RBFOX1: variants seen among roughly 807,000 people sequenced by gnomAD.
RBFOX1 encodes the protein RNA binding fox-1 homolog 1, also known as RNA binding protein fox-1 homolog 1.
Under a neutral mutation model 57.7 loss-of-function variants are expected in RBFOX1, and 8 were observed. The ratio of observed to expected loss-of-function variants is 0.14; its 90% CI spans 0.08 to 0.25. The LOEUF (loss-of-function observed/expected upper bound fraction) is 0.25. RBFOX1 is among the 10% of genes least tolerant of loss of function. The probability of loss-of-function intolerance (pLI) is 1.00; values close to 1 mark genes in which losing one functional copy is unlikely to be tolerated. For synonymous variants in RBFOX1, 326 were observed against 222.4 expected, an observed-to-expected ratio of 1.47 and a Z score of -4.15; for missense variants, 611 against 548.5, an observed-to-expected ratio of 1.11 and a Z score of -1.14.
intron 3 of RBFOX1, among the ~76,000 whole-genome samples, chr16:6,927,212 C>G (rs574896260): frequency 6.6e-6 from 1 of 151,488 alleles, no homozygotes; most frequent in Non-Finnish European, 1.5e-5. Context: ...TTTAACGAAA[C>G]CCTAGGTCCT....
At chr16:5,276,010 C>G (rs1294823321) in intron 1 of RBFOX1, among the ~76,000 whole-genome samples, 2 of 152,222 alleles carry the variant, frequency 1.3e-5, no homozygotes, top group African/African-American at 4.8e-5. Context: ...GGATCCTCAT[C>G]TCTCACCTTA....
chr16:7,041,547 C>G (rs568393823), intron 3 of RBFOX1, among the ~76,000 whole-genome samples: 4 of 152,234 alleles, frequency 2.6e-5, no homozygotes, highest in East Asian at 1.9e-4. Context: ...AAAGTGATTC[C>G]TAGAATACTA....
At chr16:7,588,488 C>T (rs2094252552) in intron 7 of RBFOX1, among the ~76,000 whole-genome samples, 1 of 152,170 alleles carries the variant, frequency 6.6e-6, no homozygotes, top group Non-Finnish European at 1.5e-5. Context: ...ATCTTGGTAA[C>T]CAGAAAGTGA....
At chr16:7,138,101 C>T (rs9302840) in intron 4 of RBFOX1, among the ~76,000 whole-genome samples, 138,482 of 152,162 alleles carry the variant, frequency 0.91, 63,215 homozygotes, top group East Asian at 1. Context: ...CTCAGAGATT[C>T]GTATCACAGC....
At chr16:6,835,276 G>A (rs1281730444) in intron 3 of RBFOX1, among the ~76,000 whole-genome samples, 3 of 152,048 alleles carry the variant, frequency 2.0e-5, no homozygotes, top group Admixed American at 1.3e-4. Flanking sequence ...GCTGCTATGC[G>A]GGTTCCCTTT....
At chr16:6,009,113 T>C (rs74320726) in intron 4 of RBFOX1, among the ~76,000 whole-genome samples, 1 of 152,086 alleles carries the variant, frequency 6.6e-6, no homozygotes, top group Non-Finnish European at 1.5e-5. Flanking sequence ...TTTTTTTTTT[T>C]TCTTCTCCAT....
At chr16:6,732,334 C>A (rs1285648279) in intron 3 of RBFOX1, among the ~76,000 whole-genome samples, 1 of 152,176 alleles carries the variant, frequency 6.6e-6, no homozygotes, top group Non-Finnish European at 1.5e-5. Context: ...TTCAGATTCT[C>A]ACGAGAGAGT....
rs114672148 is a variant in RBFOX1, at chr16:5,931,116, T to A, written c.351+63781T>A. Among the ~76,000 whole-genome samples, 280 of 152,276 alleles carry A rather than the reference T, an allele frequency of 1.8e-3. 1 individual carries two copies. Among genetic ancestry groups the A allele is most frequent in the African/African-American group, 6.4e-3 (265 of 41,554 alleles). Reference sequence around the variant, plus strand: ...GATGTTGTCATTAGTACCCACCTCTTGCTCTCTGCACGTAGGGCTATTCTT... The same window carrying A: ...GATGTTGTCATTAGTACCCACCTCTAGCTCTCTGCACGTAGGGCTATTCTT... On this transcript the variant is annotated intron_variant, in intron 4 of 19. Transcript: ENST00000641259.
In RBFOX1 at chr16:6,867,624, C is replaced by T. The variant is rs1043973397; in HGVS notation, c.-15-184433C>T. Among the ~76,000 whole-genome samples the T allele has an allele frequency of 4.6e-5, 7 of 152,210 alleles. No individual in the cohort carries two copies. The South Asian group carries it at 6.2e-4, about 14-fold the overall frequency. ...ATCCCAGCTACTTGGGAGGCTCAGG[C>T]AGCAGGATCGCTTGAACCCGGGAGG... On this transcript the variant is annotated intron_variant, in intron 3 of 15. Coordinates refer to ENST00000550418, the MANE Select transcript of RBFOX1 (RefSeq NM_018723.4).
intron 1 of RBFOX1, among the ~76,000 whole-genome samples, chr16:5,432,063 C>G (rs1051490389): frequency 6.6e-6 from 1 of 152,034 alleles, no homozygotes; most frequent in Non-Finnish European, 1.5e-5. Flanking sequence ...AAAGACGCCC[C>G]TTTTGGGGAC....
intron 2 of RBFOX1, among the ~76,000 whole-genome samples, chr16:6,376,956 A>G (rs1162869721): frequency 6.6e-6 from 1 of 151,562 alleles, no homozygotes; most frequent in African/African-American, 2.4e-5. Context: ...TCTGTCTCCA[A>G]ACTTCCTTCT....
At chr16:6,806,175 G>C (rs2086717611) in intron 3 of RBFOX1, among the ~76,000 whole-genome samples, 1 of 152,130 alleles carries the variant, frequency 6.6e-6, no homozygotes, top group Non-Finnish European at 1.5e-5. Context: ...AATTGCCACA[G>C]GTCACAATAT....
chr16:6,693,631 C>G (rs919788958), intron 3 of RBFOX1, among the ~76,000 whole-genome samples: 1 of 150,272 alleles, frequency 6.7e-6, no homozygotes, highest in African/African-American at 2.5e-5. Context: ...CATTTTTATT[C>G]ACTACCATCA....
intron 3 of RBFOX1, among the ~76,000 whole-genome samples, chr16:5,738,705 T>G (rs2151584318): frequency 6.6e-6 from 1 of 151,272 alleles, no homozygotes; most frequent in Non-Finnish European, 1.5e-5. Flanking sequence ...TCAGTCTGAC[T>G]GCAGGTTTTC....
intron 2 of RBFOX1, among the ~76,000 whole-genome samples, chr16:6,537,712 A>C (rs143565301): frequency 0.024 from 3,596 of 152,298 alleles, 64 homozygotes; most frequent in Non-Finnish European, 0.036. Flanking sequence ...TGAGTTCCTT[A>C]GGCCATTCCT....
intron 3 of RBFOX1, among the ~76,000 whole-genome samples, chr16:6,839,024 G>A (rs1567495179): frequency 1.3e-5 from 2 of 151,164 alleles, no homozygotes; most frequent in East Asian, 2.0e-4. Flanking sequence ...TTGCTCTGTC[G>A]ACGAGGCTGG....
intron 1 of RBFOX1, among the ~76,000 whole-genome samples, chr16:5,284,095 GT>G: frequency 6.6e-6 from 1 of 152,300 alleles, no homozygotes; most frequent in Middle Eastern, 3.4e-3. Flanking sequence ...TTTAAAAAGG[GT>G]AGTTTCCCTG....
At chr16:7,547,211 C>T (rs576491291) in intron 5 of RBFOX1, among the ~76,000 whole-genome samples, 29 of 152,106 alleles carry the variant, frequency 1.9e-4, no homozygotes, top group Non-Finnish European at 3.1e-4. Flanking sequence ...TTGGTGGTAC[C>T]AAAGGTTAAC....
intron 4 of RBFOX1, among the ~76,000 whole-genome samples, chr16:7,213,617 C>G (rs903691897): frequency 6.6e-6 from 1 of 151,978 alleles, no homozygotes; most frequent in East Asian, 1.9e-4. Context: ...GGGAGCTTAC[C>G]GTGTGCCTGG....
Sources: gnomAD v4.1 joint callset for allele counts (sites outside exome capture counted in the v4.1 genomes callset) on GRCh38, gnomAD v4.1.1 for gene constraint, MANE v1.5 for transcripts, NCBI Gene and HGNC (gene_info 2026-07-23, HGNC 2026-07-21) for gene names.